Variants in EEPD1 observed in about 807,000 individuals in gnomAD.
EEPD1 encodes the protein endonuclease/exonuclease/phosphatase family domain-containing protein 1.
EEPD1 carries 17 observed loss-of-function variants against 46.3 expected under a neutral mutation model. That is an observed-to-expected ratio of 0.37 (90% CI 0.25 to 0.55). EEPD1 has a LOEUF of 0.55. EEPD1 is among the 20% of genes least tolerant of loss of function. The pLI, the probability that EEPD1 is intolerant of heterozygous loss-of-function variation, is 0.83. For missense variants in EEPD1, 673 were observed against 745.6 expected, an observed-to-expected ratio of 0.90 and a Z score of 1.13; for synonymous variants, 313 against 315.6, an observed-to-expected ratio of 0.99 and a Z score of 0.09.
chr7:36,260,224 G>A (rs1786899809), intron 3 of EEPD1, among the ~76,000 whole-genome samples: 1 of 152,052 alleles, frequency 6.6e-6, no homozygotes, highest in South Asian at 2.1e-4. Flanking sequence ...CTGTCTTTTG[G>A]GTTTCTTATC....
chr7:36,210,710 C>G (rs1785913128), intron 2 of EEPD1, among the ~76,000 whole-genome samples: 1 of 152,218 alleles, frequency 6.6e-6, no homozygotes, highest in African/African-American at 2.4e-5. Context: ...TTCTTCCCAC[C>G]TGCGCATTTG....
intron 2 of EEPD1, among the ~76,000 whole-genome samples, chr7:36,184,923 G>C (rs1785338465): frequency 2.6e-5 from 4 of 152,080 alleles, no homozygotes. Flanking sequence ...TAGAGATAAG[G>C]TTTCACTGTG....
At chr7:36,201,051 T>C (rs1785704000) in intron 2 of EEPD1, among the ~76,000 whole-genome samples, 1 of 152,174 alleles carries the variant, frequency 6.6e-6, no homozygotes, top group African/African-American at 2.4e-5. Flanking sequence ...CTTATGTCTG[T>C]GGTATTTTTG....
At chr7:36,247,000 C>G (rs970048126) in intron 3 of EEPD1, among the ~76,000 whole-genome samples, 1 of 151,936 alleles carries the variant, frequency 6.6e-6, no homozygotes, top group Admixed American at 6.6e-5. Flanking sequence ...GTGGCACACA[C>G]CTGTAATTCC....
chr7:36,189,590 C>T (rs760452890), intron 2 of EEPD1, among the ~76,000 whole-genome samples: 20 of 152,258 alleles, frequency 1.3e-4, no homozygotes, highest in Non-Finnish European at 2.1e-4. Context: ...TGGGCACCTG[C>T]CTTGGGTACA....
At chr7:36,218,069 C>G (rs572491529) in intron 2 of EEPD1, among the ~76,000 whole-genome samples, 18 of 152,302 alleles carry the variant, frequency 1.2e-4, no homozygotes, top group African/African-American at 4.1e-4. Context: ...TGGTTGAGAA[C>G]AGCAGCAGTA....
chr7:36,284,122 C>T (rs554583680), intron 4 of EEPD1, among the ~76,000 whole-genome samples: 18 of 152,338 alleles, frequency 1.2e-4, no homozygotes, highest in Admixed American at 1.0e-3. Flanking sequence ...CATCCACCTG[C>T]GGAGGGCCCT....
intron 6 of EEPD1, among the ~76,000 whole-genome samples, chr7:36,296,302 C>G (rs1353751359): frequency 6.6e-6 from 1 of 152,138 alleles, no homozygotes; most frequent in African/African-American, 2.4e-5. Context: ...CCAACCTCAT[C>G]TTTAACATCT....
At chr7:36,211,785 C>T (rs1265107969) in intron 2 of EEPD1, among the ~76,000 whole-genome samples, 4 of 151,926 alleles carry the variant, frequency 2.6e-5, no homozygotes, top group African/African-American at 4.8e-5. Context: ...ATTAGCCAGG[C>T]GTGGTGGCAA....
At chr7:36,176,732 T>C (rs1008691622) in intron 2 of EEPD1, among the ~76,000 whole-genome samples, 2 of 152,242 alleles carry the variant, frequency 1.3e-5, no homozygotes, top group Non-Finnish European at 2.9e-5. Context: ...TAACTTGATA[T>C]GCTTTTGACT....
intron 3 of EEPD1, among the ~76,000 whole-genome samples, chr7:36,243,905 G>C (rs1386075943): frequency 6.7e-6 from 1 of 149,600 alleles, no homozygotes; most frequent in Non-Finnish European, 1.5e-5. Flanking sequence ...TGTGGGGTAG[G>C]GGGAGGGGGG....
At chr7:36,297,308 T>A in intron 7 of EEPD1, 121 bp downstream of exon 7, 2 of 1,087,692 alleles carry the variant, frequency 1.8e-6, no homozygotes, top group Non-Finnish European at 2.6e-6. Flanking sequence ...TTTACGTGAC[T>A]GTATAACTGT....
At chr7:36,233,410 G>C (rs1476627744) in intron 2 of EEPD1, among the ~76,000 whole-genome samples, 1 of 152,250 alleles carries the variant, frequency 6.6e-6, no homozygotes, top group African/African-American at 2.4e-5. Flanking sequence ...GAATGTATGA[G>C]CTATGATAGC....
chr7:36,178,521 C>T (rs1311439875), intron 2 of EEPD1, among the ~76,000 whole-genome samples: 2 of 152,210 alleles, frequency 1.3e-5, no homozygotes, highest in Non-Finnish European at 2.9e-5. Context: ...GAAATTCTTC[C>T]AGATTTCATA....
At chr7:36,201,667 CCAT>C (rs1256024236) in intron 2 of EEPD1, among the ~76,000 whole-genome samples, 1 of 152,130 alleles carries the variant, frequency 6.6e-6, no homozygotes, top group Non-Finnish European at 1.5e-5. Context: ...CAGCTGTAAA[CCAT>C]CAACTCCTCT....
chr7:36,222,407 G>T (rs1786161306), intron 2 of EEPD1, among the ~76,000 whole-genome samples: 1 of 152,098 alleles, frequency 6.6e-6, no homozygotes, highest in South Asian at 2.1e-4. Flanking sequence ...AGGAGGGGTT[G>T]GTCTTGTTAT....
At chr7:36,257,765 G>T (rs1200805783) in intron 3 of EEPD1, among the ~76,000 whole-genome samples, 1 of 152,120 alleles carries the variant, frequency 6.6e-6, no homozygotes, top group Non-Finnish European at 1.5e-5. Flanking sequence ...CATTGGGTTA[G>T]AACATGCTCC....
chr7:36,185,883 T>G (rs552738883), intron 2 of EEPD1, among the ~76,000 whole-genome samples: 1 of 152,334 alleles, frequency 6.6e-6, no homozygotes, highest in Non-Finnish European at 1.5e-5. Context: ...GGCCCTTACC[T>G]TGTCATAAAA....
intron 2 of EEPD1, among the ~76,000 whole-genome samples, chr7:36,214,891 A>C (rs1306379163): frequency 6.6e-6 from 1 of 152,206 alleles, no homozygotes; most frequent in African/African-American, 2.4e-5. Flanking sequence ...TGGTATAATT[A>C]GAGGCCCCTG....
Sources: allele counts gnomAD v4.1 joint callset (sites outside exome capture counted in the v4.1 genomes callset), GRCh38; gene constraint gnomAD v4.1.1; transcripts MANE v1.5; gene names NCBI Gene and HGNC (gene_info 2026-07-23, HGNC 2026-07-21).